The following NTM variants were observed in gnomAD, a reference collection of about 807,000 sequenced individuals.
The protein encoded by NTM is neurotrimin.
NTM carries 13 observed loss-of-function variants against 42.1 expected under a neutral mutation model. That is an observed-to-expected ratio of 0.31 (90% CI 0.20 to 0.49). The LOEUF (loss-of-function observed/expected upper bound fraction) is 0.49. Ranked by LOEUF, NTM falls within the 20% of genes least tolerant of loss-of-function variation. The pLI is 0.99. For synonymous variants in NTM, 187 were observed against 179.2 expected (o/e 1.04, Z -0.35); for missense variants, 373 against 452.8 (o/e 0.82, Z 1.60).
chr11:131,375,182 C>T (rs1161850284), intron 1 of NTM, among the ~76,000 whole-genome samples: 1 of 152,086 alleles, frequency 6.6e-6, no homozygotes, highest in Admixed American at 6.6e-5. Context: ...AAAAATCTCT[C>T]CCTCTGCGGG....
At chr11:131,906,021 G>T (rs2053804873) in intron 1 of NTM, among the ~76,000 whole-genome samples, 1 of 152,116 alleles carries the variant, frequency 6.6e-6, no homozygotes, top group Non-Finnish European at 1.5e-5. Context: ...TAATTTTCAT[G>T]AACGTTAATG....
In NTM at chr11:131,878,595, ATATATATATATAT is replaced by A. The variant is rs1297428856; in HGVS notation, c.83-32968_83-32956del. On this transcript the variant is annotated intron_variant, in intron 1 of 8. Coordinates refer to ENST00000683400, the MANE Select transcript of NTM (RefSeq NM_001352005.2). Reference sequence around the variant, plus strand: ...AAAAAAAAAAAAAAAAAAAAAAAAAATATATATATATATATATATATATATATATATATATATA... The same window carrying A: ...AAAAAAAAAAAAAAAAAAAAAAAAAAATATATATATATATATATATATATA... Among the ~76,000 whole-genome samples the A allele has an allele frequency of 3.6e-3, 40 of 11,146 alleles. 9 individuals carry two copies. The highest frequency in any genetic ancestry group is 6.9e-3 in the Non-Finnish European group (37 of 5,372). 7.3% of individuals were successfully genotyped at this position (11,146 alleles called of 152,430 possible). A position where few individuals can be genotyped will look rare whatever the true frequency, so the allele number is the denominator to read the frequency against.
At chr11:132,077,338 A>G (rs1358653598) in intron 2 of NTM, among the ~76,000 whole-genome samples, 2 of 152,230 alleles carry the variant, frequency 1.3e-5, no homozygotes, top group Non-Finnish European at 2.9e-5. Context: ...TGAAATGTCT[A>G]CTACTGTGTT....
chr11:131,465,795 G>A (rs927830134), intron 1 of NTM, among the ~76,000 whole-genome samples: 7 of 149,174 alleles, frequency 4.7e-5, no homozygotes, highest in Non-Finnish European at 8.8e-5. Flanking sequence ...GGTTCTGCAG[G>A]GCCATGTGGC....
intron 1 of NTM, among the ~76,000 whole-genome samples, chr11:131,750,819 T>A (rs745625563): frequency 4.5e-4 from 69 of 152,134 alleles, no homozygotes; most frequent in Non-Finnish European, 7.9e-4. Flanking sequence ...CTATTCCACT[T>A]TGGATCCAAT....
At chr11:131,698,691 G>A (rs377165512) in intron 1 of NTM, among the ~76,000 whole-genome samples, 10 of 152,336 alleles carry the variant, frequency 6.6e-5, no homozygotes, top group African/African-American at 2.4e-4. Flanking sequence ...TGTACATGGC[G>A]AGTTCGCATC....
intron 3 of NTM, among the ~76,000 whole-genome samples, chr11:132,189,641 T>TACAC (rs35740557): frequency 0.04 from 5,938 of 149,182 alleles, 151 homozygotes; most frequent in African/African-American, 0.077. Flanking sequence ...TCACGGCAGA[T>TACAC]ACACACACAC....
In NTM at chr11:131,561,760, G is replaced by A. The variant is rs115824185; in HGVS notation, c.82+190872G>A. On this transcript the variant is annotated intron_variant, in intron 1 of 8. Transcript: ENST00000683400. ...GCCCCACACTTTCCTTTCCTGGCCCGAGAAAGCCTCATTCCTTCGGCCTTC... is the reference window on the plus strand; with the variant it reads ...GCCCCACACTTTCCTTTCCTGGCCCAAGAAAGCCTCATTCCTTCGGCCTTC... Among the ~76,000 whole-genome samples the A allele has an allele frequency of 6.8e-3, 1,033 of 152,094 alleles. 10 individuals are homozygous for A. The highest frequency in any genetic ancestry group is 0.024 in the African/African-American group (979 of 41,522).
intron 4 of NTM, among the ~76,000 whole-genome samples, chr11:132,294,762 G>A (rs1333060456): frequency 1.3e-5 from 2 of 152,170 alleles, no homozygotes; most frequent in Admixed American, 6.5e-5. Context: ...TCCCAGGAAG[G>A]TAGAGAGTTT....
chr11:131,470,088 G>T (rs753525927), intron 1 of NTM, among the ~76,000 whole-genome samples: 4 of 152,182 alleles, frequency 2.6e-5, no homozygotes, highest in Admixed American at 2.0e-4. Context: ...CATGGACACT[G>T]CCCGTCCTCT....
chr11:132,060,721 CTGCT>C (rs1210710579), intron 2 of NTM, among the ~76,000 whole-genome samples: 1 of 152,158 alleles, frequency 6.6e-6, no homozygotes, highest in East Asian at 1.9e-4. Flanking sequence ...GTTGCAGGCT[CTGCT>C]TGTGTTATCT....
At chr11:131,460,479 G>A (rs1158254834) in intron 1 of NTM, among the ~76,000 whole-genome samples, 1 of 152,198 alleles carries the variant, frequency 6.6e-6, no homozygotes, top group Non-Finnish European at 1.5e-5. Context: ...AGCAACTCAT[G>A]CAGTTTCATA....
chr11:131,550,316 T>C (rs1233661611), intron 1 of NTM, among the ~76,000 whole-genome samples: 1 of 152,118 alleles, frequency 6.6e-6, no homozygotes, highest in Non-Finnish European at 1.5e-5. Context: ...TGTGGTGGCA[T>C]GCACCTGTAG....
Position 132,197,546 on chromosome 11 carries a change from C to T in NTM, c.401-14476C>T, listed in dbSNP as rs542081907. On this transcript the variant is annotated intron_variant, in intron 3 of 8. Transcript: ENST00000683400. The stretch of plus-strand genomic sequence containing the variant: ...TAAGTTCTAGGGTACATGTGCACAA[C>T]GTGCAGGTTTGTTATATATGTATAC... Among the ~76,000 whole-genome samples, 21 of 151,598 alleles carry T rather than the reference C, an allele frequency of 1.4e-4. 2 individuals carry two copies. Among genetic ancestry groups the T allele is most frequent in the Admixed American group, 9.8e-4 (15 of 15,236 alleles).
intron 1 of NTM, among the ~76,000 whole-genome samples, chr11:131,438,149 C>T (rs181566042): frequency 6.6e-6 from 1 of 152,272 alleles, no homozygotes; most frequent in African/African-American, 2.4e-5. Context: ...GCCGAGGGAT[C>T]CTCTGTAGTC....
chr11:131,984,971 C>A (rs1360659435), intron 2 of NTM, among the ~76,000 whole-genome samples: 2 of 152,062 alleles, frequency 1.3e-5, no homozygotes, highest in Non-Finnish European at 2.9e-5. Context: ...TAATATTGAG[C>A]CTTTGCTGCT....
intron 1 of NTM, among the ~76,000 whole-genome samples, chr11:131,491,889 T>C (rs1954833644): frequency 6.6e-6 from 1 of 152,202 alleles, no homozygotes; most frequent in South Asian, 2.1e-4. Flanking sequence ...CTGCTTATAA[T>C]CCGACAATAA....
intron 1 of NTM, among the ~76,000 whole-genome samples, chr11:131,398,491 A>G (rs1944794608): frequency 6.6e-6 from 1 of 152,188 alleles, no homozygotes; most frequent in East Asian, 1.9e-4. Context: ...TCTTTTAAGA[A>G]TAGATCAGAA....
intron 4 of NTM, among the ~76,000 whole-genome samples, chr11:132,240,551 C>T (rs1039819020): frequency 6.6e-6 from 1 of 152,222 alleles, no homozygotes; most frequent in East Asian, 1.9e-4. Flanking sequence ...GAGGGATTGT[C>T]CTGTTCCAAA....
Sources: gnomAD v4.1 joint callset for allele counts (sites outside exome capture counted in the v4.1 genomes callset) on GRCh38, gnomAD v4.1.1 for gene constraint, MANE v1.5 for transcripts, NCBI Gene and HGNC (gene_info 2026-07-23, HGNC 2026-07-21) for gene names.